Variants in PDE9A observed in about 807,000 individuals in gnomAD.
PDE9A encodes the protein high affinity cGMP-specific 3',5'-cyclic phosphodiesterase 9A.
PDE9A carries 60 observed loss-of-function variants against 87.4 expected under a neutral mutation model. The ratio of observed to expected loss-of-function variants is 0.69; its 90% CI spans 0.56 to 0.85. PDE9A has a LOEUF of 0.85. PDE9A is among the 40% of genes least tolerant of loss of function. The probability of loss-of-function intolerance (pLI) is 0.00; values close to 1 mark genes in which losing one functional copy is unlikely to be tolerated. For missense variants in PDE9A, 665 were observed against 779.0 expected, an observed-to-expected ratio of 0.85 and a Z score of 1.74; for synonymous variants, 272 against 279.4, an observed-to-expected ratio of 0.97 and a Z score of 0.27.
chr21:42,730,388 A>T (rs759007937), intron 4 of PDE9A, among the ~76,000 whole-genome samples: 1 of 152,170 alleles, frequency 6.6e-6, no homozygotes, highest in Non-Finnish European at 1.5e-5. Context: ...CTCTCGTTTG[A>T]CAGGTGAAGC....
intron 4 of PDE9A, among the ~76,000 whole-genome samples, chr21:42,725,940 A>T (rs2050987369): frequency 6.6e-6 from 1 of 152,000 alleles, no homozygotes; most frequent in Non-Finnish European, 1.5e-5. Flanking sequence ...ACCATTTTTC[A>T]TTCCCACCAG....
At chr21:42,686,684 G>A (rs1158758346) in intron 2 of PDE9A, among the ~76,000 whole-genome samples, 4 of 152,126 alleles carry the variant, frequency 2.6e-5, no homozygotes, top group Non-Finnish European at 4.4e-5. Flanking sequence ...GCGTGGTGGC[G>A]AGCACCTGTC....
chr21:42,665,741 C>T (rs1216934463), intron 1 of PDE9A, among the ~76,000 whole-genome samples: 1 of 152,216 alleles, frequency 6.6e-6, no homozygotes, highest in African/African-American at 2.4e-5. Flanking sequence ...AAGTCACTCA[C>T]CTTCCAACCC....
intron 1 of PDE9A, among the ~76,000 whole-genome samples, chr21:42,655,838 G>A (rs1183456498): frequency 1.3e-5 from 2 of 149,822 alleles, no homozygotes; most frequent in African/African-American, 4.9e-5. Flanking sequence ...ATCTCCACGA[G>A]GTCTGTTGCT....
chr21:42,725,226 TTTTTTG>T (rs978887022), intron 4 of PDE9A, among the ~76,000 whole-genome samples: 21 of 152,078 alleles, frequency 1.4e-4, no homozygotes, highest in African/African-American at 3.4e-4. Flanking sequence ...GGTCTCTCTC[TTTTTTG>T]TTTTTGTTTT....
At chr21:42,773,801 AAAAAAT>A (rs1338049110) in intron 19 of PDE9A, among the ~76,000 whole-genome samples, 1 of 150,436 alleles carries the variant, frequency 6.6e-6, no homozygotes, top group Non-Finnish European at 1.5e-5. Context: ...ACTTCGTCTC[AAAAAAT>A]AAAAATAAAT....
chr21:42,775,197 C>T (rs1023430956), intron 19 of PDE9A, 83 bp from the exon 20 acceptor site: 10 of 1,400,470 alleles, frequency 7.1e-6, no homozygotes, highest in African/African-American at 1.4e-5. Context: ...ACCTTGGTCT[C>T]TCAAAGTGCT....
intron 1 of PDE9A, among the ~76,000 whole-genome samples, chr21:42,671,902 T>A (rs2058581455): frequency 6.6e-6 from 1 of 152,210 alleles, no homozygotes; most frequent in Non-Finnish European, 1.5e-5. Flanking sequence ...TGGCTGGTCC[T>A]GCAGGCTGAT....
intron 1 of PDE9A, among the ~76,000 whole-genome samples, chr21:42,654,943 TG>T (rs1218550234): frequency 7.3e-6 from 1 of 137,774 alleles, no homozygotes; most frequent in East Asian, 1.9e-4. Context: ...TAATCAGTGC[TG>T]GGCAGCTGGG....
chr21:42,715,447 T>TATAG (rs1440779726), intron 4 of PDE9A, among the ~76,000 whole-genome samples: 2 of 151,926 alleles, frequency 1.3e-5, no homozygotes, highest in South Asian at 2.1e-4. Flanking sequence ...GCCAACATGG[T>TATAG]GAAACCCTGT....
Position 42,760,781 on chromosome 21 carries a change from C to T in PDE9A, c.1003-44C>T. On this transcript the variant is annotated intron_variant, in intron 12 of 19. Coordinates refer to ENST00000291539, the MANE Select transcript of PDE9A (RefSeq NM_002606.3). The surrounding 1 kb of genome is among the most constrained non-coding windows in gnomAD (Gnocchi z 5.2). Reference sequence around the variant, plus strand: ...ACCCCCCCTCACCCCATCCCACCCTCCGAGTGAAGAGAGCAAACACCTACG... The same window carrying T: ...ACCCCCCCTCACCCCATCCCACCCTTCGAGTGAAGAGAGCAAACACCTACG... The T allele has an allele frequency of 9.1e-7, 1 of 1,098,416 alleles. No homozygotes were observed. The highest frequency in any genetic ancestry group is 1.4e-6 in the Non-Finnish European group (1 of 711,302). 68.0% of individuals were successfully genotyped at this position (1,098,416 alleles called of 1,614,324 possible).
At chr21:42,753,138 C>G (rs1397072196) in intron 9 of PDE9A, among the ~76,000 whole-genome samples, 2 of 152,202 alleles carry the variant, frequency 1.3e-5, no homozygotes, top group African/African-American at 4.8e-5. Flanking sequence ...TCCCAAGTAG[C>G]TGGGATTACA....
intron 4 of PDE9A, among the ~76,000 whole-genome samples, chr21:42,721,218 G>A (rs2050493145): frequency 6.6e-6 from 1 of 152,126 alleles, no homozygotes; most frequent in African/African-American, 2.4e-5. Context: ...GGGAGAAATT[G>A]CACCCAGTCA....
chr21:42,772,391 C>T, intron 18 of PDE9A, 48 bp from the exon 19 acceptor site: 1 of 1,265,150 alleles, frequency 7.9e-7, no homozygotes, highest in Non-Finnish European at 1.1e-6. Context: ...AGACACTCCC[C>T]TGCTGTCTCC....
chr21:42,707,654 G>T (rs1322558365), intron 4 of PDE9A, among the ~76,000 whole-genome samples: 1 of 152,006 alleles, frequency 6.6e-6, no homozygotes, highest in Non-Finnish European at 1.5e-5. Flanking sequence ...GTGGGCTTTT[G>T]AGGATTTCCA....
chr21:42,697,620 G>T (rs564497164), intron 3 of PDE9A: 1 of 731,036 alleles, frequency 1.4e-6, no homozygotes, highest in Non-Finnish European at 2.5e-6. Flanking sequence ...AGATGAGGGT[G>T]TGGGCAGGTT....
intron 9 of PDE9A, among the ~76,000 whole-genome samples, chr21:42,751,447 G>A (rs1008572152): frequency 1.3e-5 from 2 of 152,146 alleles, no homozygotes; most frequent in Non-Finnish European, 2.9e-5. Flanking sequence ...CTGTCTGCCC[G>A]GCCCCGGGAG....
intron 9 of PDE9A, among the ~76,000 whole-genome samples, chr21:42,753,014 T>A (rs1037424921): frequency 5.9e-5 from 9 of 151,650 alleles, no homozygotes; most frequent in South Asian, 2.1e-4. Flanking sequence ...CCTTTTTTTA[T>A]TATTATTTTT....
At chr21:42,743,641 A>AG in intron 7 of PDE9A, 135 bp from the exon 8 acceptor site, 1 of 616,150 alleles carries the variant, frequency 1.6e-6, no homozygotes, top group Non-Finnish European at 3.0e-6. Flanking sequence ...ATCGGCAGCC[A>AG]GGGCAGGTGT....
Sources: gnomAD v4.1 joint callset for allele counts (sites outside exome capture counted in the v4.1 genomes callset) on GRCh38, gnomAD v4.1.1 for gene constraint, Gnocchi (gnomAD v3.1) non-coding constraint, MANE v1.5 for transcripts, NCBI Gene and HGNC (gene_info 2026-07-23, HGNC 2026-07-21) for gene names.